Variants in AGAP1 observed in about 807,000 individuals in gnomAD.
The protein encoded by AGAP1 is ArfGAP with GTPase domain, ankyrin repeat and PH domain 1.
In AGAP1, 29 loss-of-function variants were observed where a neutral mutation model predicts 105.3. That is an observed-to-expected ratio of 0.28 (90% CI 0.21 to 0.38). The LOEUF (loss-of-function observed/expected upper bound fraction) is 0.38, where lower values mean the gene tolerates loss of function less well. AGAP1 is among the 10% of genes least tolerant of loss of function. AGAP1 has a pLI of 1.00. For synonymous variants in AGAP1, 509 were observed against 485.9 expected (o/e 1.05, Z -0.63); for missense variants, 998 against 1,165.1 (o/e 0.86, Z 2.09).
rs1185721018 is a variant in AGAP1 at position 235,608,718 on chromosome 2, T to C, written c.164-100461T>C. On this transcript the variant is annotated intron_variant, in intron 1 of 17. Coordinates refer to ENST00000304032, the MANE Select transcript of AGAP1 (RefSeq NM_001037131.3). This position sits in a 1 kb window ranked among gnomAD's most constrained non-coding sequence, Gnocchi z 5.4. ...TACTTGGCCTCCAACCAAAAAATTGTTCTTCTCCTTCCTTTTTTAGTAGGG... is the reference window on the plus strand; with the variant it reads ...TACTTGGCCTCCAACCAAAAAATTGCTCTTCTCCTTCCTTTTTTAGTAGGG... Among the ~76,000 whole-genome samples the C allele has an allele frequency of 6.6e-6, 1 of 152,206 alleles. No individual in the cohort carries two copies. The highest frequency in any genetic ancestry group is 2.4e-5 in the African/African-American group (1 of 41,444).
intron 13 of AGAP1, among the ~76,000 whole-genome samples, chr2:236,021,276 C>A (rs866403535): frequency 2.0e-5 from 3 of 151,964 alleles, no homozygotes; most frequent in Admixed American, 6.6e-5. Flanking sequence ...ATTTTTCTAG[C>A]CCCCTCCTTT....
chr2:235,903,966 C>G (rs1041998610), intron 10 of AGAP1, among the ~76,000 whole-genome samples: 15 of 151,884 alleles, frequency 9.9e-5, no homozygotes, highest in African/African-American at 3.6e-4. Flanking sequence ...AAAGGCAGCC[C>G]CACAGAAGGC....
Position 235,919,112 on chromosome 2 carries a change from C to T in AGAP1, c.1324+10206C>T, listed in dbSNP as rs1347335055. Among the ~76,000 whole-genome samples the T allele has an allele frequency of 6.6e-6, 1 of 152,152 alleles. No individual in the cohort carries two copies. On this transcript the variant is annotated intron_variant, in intron 11 of 17. Transcript: ENST00000304032. The surrounding 1 kb of genome is among the most constrained non-coding windows in gnomAD (Gnocchi z 4.1). ...AGACCAGCGAAGTGGTCTGCAGGGT[C>T]AGCTGTGGGAAAGAGGAGGTGCCCG...
At position 236,125,593 on chromosome 2, in the gene AGAP1, G is replaced by A. The variant is rs1184558503; in HGVS notation, c.*1471G>A. The A allele has an allele frequency of 6.6e-6, 1 of 152,178 alleles. No individual in the cohort carries two copies. The highest frequency in any genetic ancestry group is 1.5e-5 in the Non-Finnish European group (1 of 68,032). The allele number at this position is 152,178 out of a possible 1,614,324, so 9.4% of individuals were successfully genotyped here. A position where few individuals can be genotyped will look rare whatever the true frequency, so the allele number is the denominator to read the frequency against. On this transcript the variant is annotated 3_prime_UTR_variant, in exon 18 of 18. Transcript: ENST00000304032. The surrounding 1 kb of genome is among the most constrained non-coding windows in gnomAD (Gnocchi z 5.2). ...TGCTAACCAAGGACCAAGGGACTCT[G>A]GCAAGATGGGGTGGTTTTCCGAATG...
chr2:236,004,188 G>C (rs1205182180), intron 13 of AGAP1, among the ~76,000 whole-genome samples: 1 of 152,078 alleles, frequency 6.6e-6, no homozygotes, highest in Non-Finnish European at 1.5e-5. Context: ...GGCAGTTGGG[G>C]GTCTTGAGAC....
At chr2:235,987,819 C>T (rs1295079530) in intron 13 of AGAP1, among the ~76,000 whole-genome samples, 3 of 152,050 alleles carry the variant, frequency 2.0e-5, no homozygotes, top group Non-Finnish European at 2.9e-5. Context: ...GTGTGAGAAC[C>T]GCCAAATTCT....
rs1211412606 is a variant in AGAP1 at position 235,792,275 on chromosome 2, A to C, written c.674-5484A>C. On this transcript the variant is annotated intron_variant, in intron 6 of 17. Transcript: ENST00000304032. This position sits in a 1 kb window ranked among gnomAD's most constrained non-coding sequence, Gnocchi z 5.3. ...GTGTCTTCCTTAGTTCTCTGCCCCC[A>C]CTTTTCCCCACCCTTCACGTGTCAT... Among the ~76,000 whole-genome samples the C allele has an allele frequency of 1.3e-5, 2 of 151,942 alleles. No individual in the cohort carries two copies. The highest frequency in any genetic ancestry group is 4.8e-5 in the African/African-American group (2 of 41,356).
rs1215961872 is a variant in AGAP1 at position 236,126,425 on chromosome 2, C to T, written c.*2303C>T. On this transcript the variant is annotated 3_prime_UTR_variant, in exon 18 of 18. Transcript: ENST00000304032. ...AAATTATTTCATTGTAGTTAATTCC[C>T]ACTATAGGAATGCTTTATCATAGTG... The T allele has an allele frequency of 6.6e-6, 1 of 152,148 alleles. No individual in the cohort carries two copies. The highest frequency in any genetic ancestry group is 2.4e-5 in the African/African-American group (1 of 41,422). The allele number at this position is 152,148 out of a possible 1,614,324, so 9.4% of individuals were successfully genotyped here. A position where few individuals can be genotyped will look rare whatever the true frequency, so the allele number is the denominator to read the frequency against.
chr2:235,932,803 TC>T (rs2052785645), intron 12 of AGAP1, among the ~76,000 whole-genome samples: 1 of 152,228 alleles, frequency 6.6e-6, no homozygotes, highest in South Asian at 2.1e-4. Context: ...CACCGCCACA[TC>T]GTGAGACACT....
intron 2 of AGAP1, among the ~76,000 whole-genome samples, chr2:235,713,266 C>G (rs184473494): frequency 6.6e-5 from 10 of 152,286 alleles, no homozygotes; most frequent in African/African-American, 9.6e-5. Context: ...AGCGGGTGCC[C>G]TTGAGCAAAA....
chr2:235,809,581 A>T (rs1958021426), intron 9 of AGAP1, among the ~76,000 whole-genome samples: 1 of 152,162 alleles, frequency 6.6e-6, no homozygotes, highest in Admixed American at 6.5e-5. Flanking sequence ...GAGAATTTTT[A>T]AATGTTAGCA....
At position 236,042,409 on chromosome 2, in the gene AGAP1, C is replaced by G. The variant is rs912230602; in HGVS notation, c.1891+1568C>G. ...ATCTTGAGGTTCTTCTTTAAAGTACCTCCTTATGTTTGAATGTTTAAGTTT... is the reference window on the plus strand; with the variant it reads ...ATCTTGAGGTTCTTCTTTAAAGTACGTCCTTATGTTTGAATGTTTAAGTTT... On this transcript the variant is annotated intron_variant, in intron 15 of 17. Transcript: ENST00000304032. The surrounding 1 kb of genome is among the most constrained non-coding windows in gnomAD (Gnocchi z 5.6). Among the ~76,000 whole-genome samples the G allele has an allele frequency of 6.6e-6, 1 of 152,132 alleles. No homozygotes were observed. Among genetic ancestry groups the G allele is most frequent in the Non-Finnish European group, 1.5e-5 (1 of 68,030 alleles).
chr2:235,676,411 T>C (rs1948737846), intron 1 of AGAP1, among the ~76,000 whole-genome samples: 1 of 152,200 alleles, frequency 6.6e-6, no homozygotes, highest in Non-Finnish European at 1.5e-5. Context: ...GTGGAACTAA[T>C]GAGAGAACTA....
intron 10 of AGAP1, among the ~76,000 whole-genome samples, chr2:235,885,812 A>G (rs1215474838): frequency 1.3e-5 from 2 of 152,116 alleles, no homozygotes; most frequent in Admixed American, 1.3e-4. Context: ...AGCACCTCCC[A>G]TGCGTTACTA....
At chr2:236,107,142 G>A (rs567279522) in intron 16 of AGAP1, among the ~76,000 whole-genome samples, 49 of 139,694 alleles carry the variant, frequency 3.5e-4, no homozygotes, top group Admixed American at 1.5e-3. Flanking sequence ...ATTCTCCTGC[G>A]GAACCTCAAA....
intron 16 of AGAP1, among the ~76,000 whole-genome samples, chr2:236,079,342 G>A (rs2058721365): frequency 6.8e-6 from 1 of 146,722 alleles, no homozygotes; most frequent in South Asian, 2.2e-4. Flanking sequence ...AGCATAGTGA[G>A]ACTCTGTCTC....
intron 1 of AGAP1, among the ~76,000 whole-genome samples, chr2:235,677,585 G>T (rs1948810549): frequency 6.6e-6 from 1 of 152,108 alleles, no homozygotes; most frequent in Non-Finnish European, 1.5e-5. Flanking sequence ...CAACACACAG[G>T]AATGCTCCTT....
intron 1 of AGAP1, among the ~76,000 whole-genome samples, chr2:235,585,340 C>T (rs542541326): frequency 5.3e-5 from 8 of 152,270 alleles, no homozygotes; most frequent in Non-Finnish European, 1.0e-4. Flanking sequence ...TGGCCTCTGC[C>T]GTGGTAGCTG....
Position 236,009,750 on chromosome 2 carries a change from C to T in AGAP1, c.1646-26811C>T, listed in dbSNP as rs1279971881. On this transcript the variant is annotated intron_variant, in intron 13 of 17. Coordinates refer to ENST00000304032, the MANE Select transcript of AGAP1 (RefSeq NM_001037131.3). This position sits in a 1 kb window ranked among gnomAD's most constrained non-coding sequence, Gnocchi z 4.2. Reference sequence around the variant, plus strand: ...AGGGCTGCAGCGTGCCTCATTTAGCCGTCCCTGCTCGGTTCACGCCAAGGA... The same window carrying T: ...AGGGCTGCAGCGTGCCTCATTTAGCTGTCCCTGCTCGGTTCACGCCAAGGA... Among the ~76,000 whole-genome samples, 2 of 152,172 alleles carry T rather than the reference C, an allele frequency of 1.3e-5. No individual in the cohort carries two copies. Among genetic ancestry groups the T allele is most frequent in the Admixed American group, 6.5e-5 (1 of 15,278 alleles).
Sources: allele counts gnomAD v4.1 joint callset (sites outside exome capture counted in the v4.1 genomes callset), GRCh38; gene constraint gnomAD v4.1.1; non-coding constraint Gnocchi (gnomAD v3.1); transcripts MANE v1.5; gene names NCBI Gene and HGNC (gene_info 2026-07-23, HGNC 2026-07-21).